JAK2: variants seen among roughly 807,000 people sequenced by gnomAD.
JAK2 encodes the protein Janus kinase 2.
In JAK2, 86 loss-of-function variants were observed where a neutral mutation model predicts 139.3. That is an observed-to-expected ratio of 0.62 (90% CI 0.52 to 0.74). The LOEUF is 0.74. JAK2 is among the 30% of genes least tolerant of loss of function. The pLI is 0.00. For missense variants in JAK2, 1,421 were observed against 1,360.3 expected (o/e 1.04, Z -0.70); for synonymous variants, 490 against 437.7 (o/e 1.12, Z -1.49).
chr9:5,005,015 C>T lies in JAK2; in HGVS notation c.-25-16948C>T, dbSNP rs570884826. ...CACTGCAGCCTTGACCTCCCAAGCG[C>T]AAGTGATCCTCCTCCTTCAGCCTCT... On this transcript the variant is annotated intron_variant, in intron 2 of 24. Transcript: ENST00000381652. Among the ~76,000 whole-genome samples the T allele has an allele frequency of 4.8e-5, 7 of 147,104 alleles. No homozygotes were observed. In the South Asian group the frequency reaches 1.5e-3, roughly 32 times the overall value.
intron 19 of JAK2, chr9:5,085,966 C>T (rs771303110): frequency 2.5e-5 from 27 of 1,098,800 alleles, no homozygotes; most frequent in Admixed American, 8.5e-5. Context: ...TATTTCTCAC[C>T]ACTGTGTGTT....
intron 5 of JAK2, among the ~76,000 whole-genome samples, chr9:5,046,279 T>C (rs911087686): frequency 6.6e-6 from 1 of 152,164 alleles, no homozygotes; most frequent in Non-Finnish European, 1.5e-5. Context: ...TTTGTTGTTA[T>C]ATTATAGAAA....
At chr9:5,019,059 T>G (rs921842512) in intron 2 of JAK2, among the ~76,000 whole-genome samples, 2 of 152,204 alleles carry the variant, frequency 1.3e-5, no homozygotes, top group African/African-American at 2.4e-5. Flanking sequence ...TTTGTCTTTT[T>G]GGGGATCTCT....
intron 22 of JAK2, among the ~76,000 whole-genome samples, chr9:5,118,217 G>C (rs964696991): frequency 6.6e-6 from 1 of 152,104 alleles, no homozygotes; most frequent in Admixed American, 6.5e-5. Flanking sequence ...CACTTAAAAA[G>C]ATTATATGAA....
chr9:5,084,482 G>GAT (rs759031746), intron 19 of JAK2, among the ~76,000 whole-genome samples: 7 of 151,938 alleles, frequency 4.6e-5, no homozygotes, highest in Non-Finnish European at 8.8e-5. Context: ...TCCAAAGAGG[G>GAT]ATATATATTT....
chr9:5,103,157 G>C (rs552315614), intron 22 of JAK2, among the ~76,000 whole-genome samples: 1 of 127,764 alleles, frequency 7.8e-6, no homozygotes, highest in Admixed American at 9.4e-5. Flanking sequence ...CCAATCTCAT[G>C]TGCAGAGAAA....
chr9:5,080,656 C>G lies in JAK2; in HGVS notation c.2407C>G (p.Arg803Gly), dbSNP rs769318116. The G allele has an allele frequency of 6.3e-7, 1 of 1,596,638 alleles. No individual in the cohort carries two copies. Among genetic ancestry groups the G allele is most frequent in the Non-Finnish European group, 8.5e-7 (1 of 1,174,668 alleles). Residue 803 changes from arginine to glycine, a missense_variant, in exon 18 of 25, where the codon CGA (arginine) becomes GGA (glycine). Coordinates refer to ENST00000381652, the MANE Select transcript of JAK2 (RefSeq NM_004972.4). The part of the protein sequence containing the change: ...DFRPSFRAII[R>G]DLNSLFTPDY... ...CAGGCCTTCTTTCAGAGCCATCATA[C>G]GAGATCTTAACAGTTTGTTTACTCC... is the stretch of plus-strand genomic sequence containing the variant.
intron 19 of JAK2, chr9:5,085,152 A>G (rs1365594396): frequency 7.7e-6 from 5 of 648,302 alleles, no homozygotes; most frequent in Non-Finnish European, 1.5e-5. Context: ...CATACTGTGG[A>G]GCTCTGTCTA....
intron 8 of JAK2, among the ~76,000 whole-genome samples, chr9:5,064,396 G>A (rs1001146446): frequency 2.0e-5 from 3 of 151,952 alleles, no homozygotes; most frequent in South Asian, 4.1e-4. Flanking sequence ...TGGGCATGGC[G>A]GCATATGCCT....
At chr9:5,086,246 G>T in intron 19 of JAK2, 1 of 561,314 alleles carries the variant, frequency 1.8e-6, no homozygotes, top group South Asian at 5.6e-5. Flanking sequence ...GTCGCGGTAG[G>T]ATGGTGGCTC....
intron 4 of JAK2, among the ~76,000 whole-genome samples, chr9:5,037,087 A>T (rs1476870530): frequency 6.6e-6 from 1 of 152,360 alleles, no homozygotes; most frequent in Non-Finnish European, 1.5e-5. Flanking sequence ...ACATTTATGC[A>T]GCCAAAAGAC....
intron 18 of JAK2, among the ~76,000 whole-genome samples, chr9:5,080,966 G>A (rs935013321): frequency 2.1e-5 from 3 of 144,352 alleles, no homozygotes; most frequent in African/African-American, 7.8e-5. Flanking sequence ...CGCGATCTCG[G>A]CTCACTGCAA....
chr9:4,991,824 T>C (rs1432969484), intron 2 of JAK2, among the ~76,000 whole-genome samples: 1 of 152,128 alleles, frequency 6.6e-6, no homozygotes, highest in African/African-American at 2.4e-5. Context: ...TCCATTCAGT[T>C]GTGTAGAAGA....
At chr9:4,989,689 A>T (rs903154512) in intron 2 of JAK2, among the ~76,000 whole-genome samples, 1 of 152,224 alleles carries the variant, frequency 6.6e-6, no homozygotes, top group African/African-American at 2.4e-5. Context: ...ATTTAAGACC[A>T]CTTGAGTTGA....
At chr9:5,001,155 T>C (rs1820904556) in intron 2 of JAK2, among the ~76,000 whole-genome samples, 1 of 152,202 alleles carries the variant, frequency 6.6e-6, no homozygotes, top group Admixed American at 6.5e-5. Context: ...ATAAAAAGTT[T>C]TATTTCTTTC....
At chr9:5,117,911 C>CT (rs1328508295) in intron 22 of JAK2, among the ~76,000 whole-genome samples, 1 of 152,122 alleles carries the variant, frequency 6.6e-6, no homozygotes, top group Non-Finnish European at 1.5e-5. Context: ...GTTTTCAAAC[C>CT]TTTTAAGTAT....
At chr9:5,116,680 C>G (rs761312591) in intron 22 of JAK2, among the ~76,000 whole-genome samples, 2 of 152,176 alleles carry the variant, frequency 1.3e-5, no homozygotes, top group Non-Finnish European at 1.5e-5. Context: ...AAATACTATA[C>G]AGGGAGGTAG....
chr9:5,030,504 A>G (rs1452025368), intron 4 of JAK2, among the ~76,000 whole-genome samples: 1 of 152,156 alleles, frequency 6.6e-6, no homozygotes, highest in Non-Finnish European at 1.5e-5. Flanking sequence ...ATAATTCATC[A>G]TAACTTCATG....
intron 3 of JAK2, among the ~76,000 whole-genome samples, chr9:5,029,570 G>T (rs1333689856): frequency 6.6e-6 from 1 of 152,068 alleles, no homozygotes; most frequent in East Asian, 1.9e-4. Flanking sequence ...GTACAATAAT[G>T]CAGGGTGCAC....
Sources: gnomAD v4.1 joint callset for allele counts (sites outside exome capture counted in the v4.1 genomes callset) on GRCh38, gnomAD v4.1.1 for gene constraint, MANE v1.5 for transcripts, NCBI Gene and HGNC (gene_info 2026-07-23, HGNC 2026-07-21) for gene names.